The following DOK1 variants were observed in gnomAD, a reference collection of about 807,000 sequenced individuals.
DOK1 encodes the protein docking protein 1, also known as Downstream of tyrosine kinase 1.
In DOK1, 12 loss-of-function variants were observed where a neutral mutation model predicts 24.0. The observed-to-expected ratio is 0.50, with a 90% CI of 0.32 to 0.81. DOK1 has a LOEUF of 0.81. Among genes scored for constraint, DOK1 ranks in the 30% least tolerant of loss-of-function variants. DOK1 has a pLI of 0.03. For synonymous variants in DOK1, 250 were observed against 260.9 expected, an observed-to-expected ratio of 0.96 and a Z score of 0.40; for missense variants, 591 against 620.7, an observed-to-expected ratio of 0.95 and a Z score of 0.51.
rs1677281587 is a variant in DOK1 at position 74,554,740 on chromosome 2, G to C, written c.-15G>C. ...GCCGCAGGGCCAGGAAGCGCGGAAG[G>C]AACCGCCGGGGGCCATGGACGGAGC... On this transcript the variant is annotated 5_prime_UTR_variant, in exon 1 of 5. Transcript: ENST00000233668. This position sits in a 1 kb window ranked among gnomAD's most constrained non-coding sequence, Gnocchi z 4.9. 6.2e-7 allele frequency: 1 copy of C among 1,612,780 alleles called. No individual in the cohort carries two copies. Among genetic ancestry groups the C allele is most frequent in the Non-Finnish European group, 8.5e-7 (1 of 1,179,820 alleles).
rs984472098 is a variant in DOK1, at chr2:74,555,807, C to T, written c.455-87C>T. 1.2e-4 allele frequency: 195 copies of T among 1,583,978 alleles called. 1 individual carries two copies. The highest frequency in any genetic ancestry group is 1.0e-3 in the Middle Eastern group (6 of 5,820). On this transcript the variant is annotated intron_variant, in intron 3 of 4. Coordinates refer to ENST00000233668, the MANE Select transcript of DOK1 (RefSeq NM_001381.5). This position sits in a 1 kb window ranked among gnomAD's most constrained non-coding sequence, Gnocchi z 6.1. ...CTGAGATCTGGCTTCCGAGTGAGTG[C>T]TTGGACACTATGCTCATGAGTCCTC...
At position 74,555,139 on chromosome 2, in the gene DOK1, T is replaced by G; in HGVS notation, c.61-15T>G. 1 of 1,601,994 alleles carries G rather than the reference T, an allele frequency of 6.2e-7. No homozygotes were observed. Among genetic ancestry groups the G allele is most frequent in the Non-Finnish European group, 8.5e-7 (1 of 1,173,040 alleles). On this transcript the variant is annotated splice_polypyrimidine_tract_variant and intron_variant, in intron 1 of 4. Transcript: ENST00000233668. This position sits in a 1 kb window ranked among gnomAD's most constrained non-coding sequence, Gnocchi z 6.1. The stretch of plus-strand genomic sequence containing the variant: ...GCACGCCACTCCCTCTCGAGCACTC[T>G]CTCTCTCTCCCTAGAGGTGGAGGAA...
In DOK1 at chr2:74,555,638, G is replaced by C. The variant is rs1330810654; in HGVS notation, c.424G>C (p.Glu142Gln). The C allele has an allele frequency of 6.2e-7, 1 of 1,614,152 alleles. No individual in the cohort carries two copies. Among genetic ancestry groups the C allele is most frequent in the Admixed American group, 1.7e-5 (1 of 60,026 alleles). ...TAAGCTTTCTGCCCTGGAGATGCTGGAGAACTCCTTGTACAGCCCTACCTG... is the reference window on the plus strand; with the variant it reads ...TAAGCTTTCTGCCCTGGAGATGCTGCAGAACTCCTTGTACAGCCCTACCTG... ...PPKLSALEML[E>Q]NSLYSPTWEG... is the part of the protein sequence containing the mutation. The change falls in exon 3 of 5, where the codon GAG becomes CAG. Residue 142 changes from glutamate to glutamine, a missense_variant. Coordinates refer to ENST00000233668, the MANE Select transcript of DOK1 (RefSeq NM_001381.5). The surrounding 1 kb of genome is among the most constrained non-coding windows in gnomAD (Gnocchi z 6.1).
Position 74,549,241 on chromosome 2 carries a change from A to G in DOK1, c.-358+69A>G. On this transcript the variant is annotated intron_variant, in intron 1 of 4. Coordinates refer to the DOK1 transcript ENST00000409429. The surrounding 1 kb of genome is among the most constrained non-coding windows in gnomAD (Gnocchi z 5.3). ...ACTCTCCAGCTTTGCAACGGCCTCC[A>G]TATTTTCCCGCGCGTCCCGACCCCC... 4.5e-6 allele frequency: 5 copies of G among 1,099,250 alleles called. No individual in the cohort carries two copies. Among genetic ancestry groups the G allele is most frequent in the East Asian group, 2.7e-5 (1 of 36,750 alleles). 68.1% of individuals were successfully genotyped at this position (1,099,250 alleles called of 1,614,324 possible).
chr2:74,554,720 A>C lies in DOK1; in HGVS notation c.-35A>C, dbSNP rs773554847. 2.5e-6 allele frequency: 4 copies of C among 1,592,352 alleles called. No individual in the cohort carries two copies. The highest frequency in any genetic ancestry group is 3.4e-6 in the Non-Finnish European group (4 of 1,163,686). Reference sequence around the variant, plus strand: ...CGCCTCCCGCCCCGCCTCCCGCCGCAGGGCCAGGAAGCGCGGAAGGAACCG... The same window carrying C: ...CGCCTCCCGCCCCGCCTCCCGCCGCCGGGCCAGGAAGCGCGGAAGGAACCG... On this transcript the variant is annotated 5_prime_UTR_variant, in exon 1 of 5. Transcript: ENST00000233668. The surrounding 1 kb of genome is among the most constrained non-coding windows in gnomAD (Gnocchi z 4.9).
rs997651310 is a variant in DOK1, at chr2:74,555,627, T to A, written c.413T>A (p.Leu138Gln). ...GATAACCCACCTAAGCTTTCTGCCC[T>A]GGAGATGCTGGAGAACTCCTTGTAC... ...PTDNPPKLSA[L>Q]EMLENSLYSP... The change falls in exon 3 of 5, where the codon CTG becomes CAG. Residue 138 changes from leucine (L) to glutamine (Q), a missense_variant. Physicochemically the swap from Leu to Gln is moderately radical, Grantham distance 113 (BLOSUM62 -2). Coordinates refer to ENST00000233668, the MANE Select transcript of DOK1 (RefSeq NM_001381.5). The surrounding 1 kb of genome is among the most constrained non-coding windows in gnomAD (Gnocchi z 6.1). The A allele has an allele frequency of 2.5e-6, 4 of 1,614,130 alleles. No individual in the cohort carries two copies. The Admixed American group carries it at 6.7e-5, about 27-fold the overall frequency.
Position 74,555,582 on chromosome 2 carries a change from G to C in DOK1, c.368G>C (p.Ser123Thr). 6.2e-7 allele frequency: 1 copy of C among 1,614,236 alleles called. No homozygotes were observed. Among genetic ancestry groups the C allele is most frequent in the Non-Finnish European group, 8.5e-7 (1 of 1,180,052 alleles). ...CGATGCTCTCTACTACAGAAAGGCA[G>C]CTGGACTCTGGCGCCTACCGATAAC... is the stretch of plus-strand genomic sequence containing the variant. The part of the protein sequence containing the change: ...TLCRNAFPKG[S>T]WTLAPTDNPP... The change falls in exon 3 of 5, where the codon AGC becomes ACC. Residue 123 changes from serine (S) to threonine (T), a missense_variant. By Grantham distance (58) the Ser-to-Thr change is moderately conservative (BLOSUM62 1). Coordinates refer to ENST00000233668, the MANE Select transcript of DOK1 (RefSeq NM_001381.5). This position sits in a 1 kb window ranked among gnomAD's most constrained non-coding sequence, Gnocchi z 6.1.
Position 74,549,655 on chromosome 2 carries a change from C to T in DOK1, c.-358+483C>T. The T allele has an allele frequency of 6.6e-7, 1 of 1,510,138 alleles. No homozygotes were observed. The highest frequency in any genetic ancestry group is 8.9e-7 in the Non-Finnish European group (1 of 1,121,424). 93.5% of individuals were successfully genotyped at this position (1,510,138 alleles called of 1,614,324 possible). On this transcript the variant is annotated intron_variant, in intron 1 of 4. Coordinates refer to the DOK1 transcript ENST00000409429. This position sits in a 1 kb window ranked among gnomAD's most constrained non-coding sequence, Gnocchi z 5.3. ...CATGTGTCCCGCCGCCCTTAAGGAA[C>T]CCTGCTTGGTGTGCCTGCTGTAAAC...
chr2:74,551,712 T>A (rs1327224016), upstream of DOK1, among the ~76,000 whole-genome samples: 1 of 152,268 alleles, frequency 6.6e-6, no homozygotes, highest in Non-Finnish European at 1.5e-5. Flanking sequence ...CAGTGGGAAC[T>A]GGGGAATCAG....
upstream of DOK1, chr2:74,554,394 G>T (rs1337926096): frequency 7.6e-6 from 2 of 263,834 alleles, no homozygotes; most frequent in African/African-American, 4.6e-5. The surrounding 1 kb of genome is among the most constrained non-coding windows in gnomAD (Gnocchi z 4.9). Flanking sequence ...TCTCTCCGGT[G>T]CCCGGGGCGC....
chr2:74,556,493 A>C lies in DOK1; in HGVS notation c.825A>C (p.Ala275=). 6.2e-7 allele frequency: 1 copy of C among 1,614,202 alleles called. No homozygotes were observed. Residue 275 remains alanine, a synonymous_variant, in exon 5 of 5, where the codon GCA becomes GCC. Transcript: ENST00000233668. This position sits in a 1 kb window ranked among gnomAD's most constrained non-coding sequence, Gnocchi z 4.1. ...CTGACTCCCATGAAGGGGAGGTGGC[A>C]GAGGGGAAGTTGCCTTCCCCACCTG... The part of the protein sequence containing the change: ...LRADSHEGEV[A]EGKLPSPPGP...
chr2:74,552,379 G>A, upstream of DOK1: 1 of 1,612,926 alleles, frequency 6.2e-7, no homozygotes, highest in Non-Finnish European at 8.5e-7. Flanking sequence ...GTGAAGCCCA[G>A]CTCCCGGCAG....
chr2:74,556,319 T>C lies in DOK1; in HGVS notation c.651T>C (p.Ser217=). ...TCTACCCTCCTTAGGTCATGTTCTC[T>C]TTCGAGGCCGGCCGCCGCTGCCCCT... ...RRYGRDKVMF[S]FEAGRRCPSG... Residue 217 remains serine (S), a synonymous_variant, in exon 5 of 5, where the codon TCT becomes TCC. Coordinates refer to ENST00000233668, the MANE Select transcript of DOK1 (RefSeq NM_001381.5). The surrounding 1 kb of genome is among the most constrained non-coding windows in gnomAD (Gnocchi z 4.1). 1 of 1,612,526 alleles carries C rather than the reference T, an allele frequency of 6.2e-7. No homozygotes were observed. The highest frequency in any genetic ancestry group is 8.5e-7 in the Non-Finnish European group (1 of 1,179,276).
chr2:74,549,334 C>T lies in DOK1; in HGVS notation c.-358+162C>T. 1 of 1,531,882 alleles carries T rather than the reference C, an allele frequency of 6.5e-7. No individual in the cohort carries two copies. The highest frequency in any genetic ancestry group is 1.4e-5 in the African/African-American group (1 of 72,762). 94.9% of individuals were successfully genotyped at this position (1,531,882 alleles called of 1,614,324 possible). A position where few individuals can be genotyped will look rare whatever the true frequency, so the allele number is the denominator to read the frequency against. ...CTATTCATCAGGGAGCACCCCAATC[C>T]CGGCCTGCTCCGCCCGGCGCCCGCG... On this transcript the variant is annotated intron_variant, in intron 1 of 4. Transcript: ENST00000409429. The surrounding 1 kb of genome is among the most constrained non-coding windows in gnomAD (Gnocchi z 5.3).
chr2:74,552,489 A>G, upstream of DOK1: 2 of 1,613,522 alleles, frequency 1.2e-6, no homozygotes, highest in Non-Finnish European at 1.7e-6. Flanking sequence ...CTTCCTGGGG[A>G]AGCCAGCCAG....
At chr2:74,552,569 C>T (rs528551764), upstream of DOK1, 106 of 1,609,538 alleles carry the variant, frequency 6.6e-5, no homozygotes, top group African/African-American at 3.9e-4. Context: ...ACCCCAAGCA[C>T]GAACTGCACA....
Position 74,556,291 on chromosome 2 carries a change from C to T in DOK1, c.640-17C>T. On this transcript the variant is annotated splice_polypyrimidine_tract_variant and intron_variant, in intron 4 of 4. Coordinates refer to ENST00000233668, the MANE Select transcript of DOK1 (RefSeq NM_001381.5). This position sits in a 1 kb window ranked among gnomAD's most constrained non-coding sequence, Gnocchi z 4.1. The stretch of plus-strand genomic sequence containing the variant: ...TGATGGCTCCTGGTAATGTGTTTCC[C>T]CCTCTACCCTCCTTAGGTCATGTTC... The T allele has an allele frequency of 2.5e-6, 4 of 1,603,736 alleles. No homozygotes were observed. The highest frequency in any genetic ancestry group is 3.4e-6 in the Non-Finnish European group (4 of 1,173,336).
In DOK1 at chr2:74,556,357, C is replaced by G; in HGVS notation, c.689C>G (p.Thr230Ser). The change falls in exon 5 of 5, where the codon ACC (threonine) becomes AGC (serine). Residue 230 changes from threonine (T) to serine (S), a missense_variant. Thr to Ser is a moderately conservative substitution (Grantham distance 58, BLOSUM62 1). Transcript: ENST00000233668. The surrounding 1 kb of genome is among the most constrained non-coding windows in gnomAD (Gnocchi z 4.1). ...AGRRCPSGPG[T>S]FTFQTAQGND... ...CGCCGCTGCCCCTCAGGCCCTGGAACCTTCACCTTCCAGACGGCACAGGGA... is the reference window on the plus strand; with the variant it reads ...CGCCGCTGCCCCTCAGGCCCTGGAAGCTTCACCTTCCAGACGGCACAGGGA... The G allele has an allele frequency of 1.9e-6, 3 of 1,613,876 alleles. No homozygotes were observed. Among genetic ancestry groups the G allele is most frequent in the African/African-American group, 1.3e-5 (1 of 75,044 alleles).
upstream of DOK1, chr2:74,554,413 T>G: frequency 1.9e-5 from 6 of 311,834 alleles, no homozygotes; most frequent in Non-Finnish European, 3.6e-5. The surrounding 1 kb of genome is among the most constrained non-coding windows in gnomAD (Gnocchi z 4.9). Context: ...GCTTTCGGGG[T>G]GATGTCATGG....
Sources: allele counts gnomAD v4.1 joint callset (sites outside exome capture counted in the v4.1 genomes callset), GRCh38; gene constraint gnomAD v4.1.1; non-coding constraint Gnocchi (gnomAD v3.1); transcripts MANE v1.5; gene names NCBI Gene and HGNC (gene_info 2026-07-23, HGNC 2026-07-21).